The following MAP3K13 variants were observed in gnomAD, a reference collection of about 807,000 sequenced individuals.
The protein encoded by MAP3K13 is leucine zipper-bearing kinase.
Under a neutral mutation model 104.0 loss-of-function variants are expected in MAP3K13, and 52 were observed. That is an observed-to-expected ratio of 0.50 (90% CI 0.40 to 0.63). MAP3K13 has a LOEUF of 0.63. Ranked by LOEUF, MAP3K13 falls within the 20% of genes least tolerant of loss-of-function variation. The pLI is 0.00. For synonymous variants in MAP3K13, 394 were observed against 442.2 expected (o/e 0.89, Z 1.37); for missense variants, 914 against 1,218.5 (o/e 0.75, Z 3.72).
chr3:185,414,897 C>T (rs1224624650), intron 1 of MAP3K13, among the ~76,000 whole-genome samples: 1 of 151,980 alleles, frequency 6.6e-6, no homozygotes, highest in African/African-American at 2.4e-5. Flanking sequence ...TTTGGCCAGG[C>T]GTGGTGGCTC....
chr3:185,436,347 G>A (rs1715027844), intron 2 of MAP3K13, among the ~76,000 whole-genome samples: 1 of 152,102 alleles, frequency 6.6e-6, no homozygotes, highest in South Asian at 2.1e-4. Flanking sequence ...AAATACTACA[G>A]CTATATAAGT....
chr3:185,456,454 G>T (rs917388000), intron 7 of MAP3K13, among the ~76,000 whole-genome samples: 1 of 152,004 alleles, frequency 6.6e-6, no homozygotes, highest in Non-Finnish European at 1.5e-5. Context: ...TGTAGGTATC[G>T]GGGCACTGGA....
intron 2 of MAP3K13, 101 bp from the exon 3 acceptor site, chr3:185,437,346 G>A (rs868261317): frequency 4.1e-6 from 4 of 979,646 alleles, no homozygotes; most frequent in South Asian, 3.2e-5. Context: ...CAGAGGGTAA[G>A]GGTCATCCTG....
At chr3:185,372,763 G>A (rs1724220861) in intron 1 of MAP3K13, among the ~76,000 whole-genome samples, 1 of 152,118 alleles carries the variant, frequency 6.6e-6, no homozygotes, top group Non-Finnish European at 1.5e-5. Flanking sequence ...TAAAAACAAA[G>A]AAGAGCCAAC....
intron 2 of MAP3K13, among the ~76,000 whole-genome samples, chr3:185,346,097 A>G (rs1722912221): frequency 2.0e-5 from 3 of 152,248 alleles, no homozygotes; most frequent in Admixed American, 2.0e-4. Flanking sequence ...TCACTGTGTT[A>G]TACAAGAGAT....
intron 2 of MAP3K13, among the ~76,000 whole-genome samples, chr3:185,317,068 A>G (rs1721703407): frequency 6.6e-6 from 1 of 152,048 alleles, no homozygotes; most frequent in Non-Finnish European, 1.5e-5. Context: ...CTGATACTCC[A>G]CTCTTTCTCC....
At chr3:185,346,760 A>G (rs1302807914) in intron 2 of MAP3K13, among the ~76,000 whole-genome samples, 2 of 152,154 alleles carry the variant, frequency 1.3e-5, no homozygotes, top group Middle Eastern at 3.2e-3. Context: ...TGCAGCAATT[A>G]TTTAGCCATC....
intron 2 of MAP3K13, among the ~76,000 whole-genome samples, chr3:185,288,342 A>G (rs762695883): frequency 6.6e-6 from 1 of 151,924 alleles, no homozygotes; most frequent in Non-Finnish European, 1.5e-5. Context: ...ACATAGATAC[A>G]TAGTATATTA....
At chr3:185,454,967 A>C (rs1716333958) in intron 7 of MAP3K13, among the ~76,000 whole-genome samples, 1 of 71,846 alleles carries the variant, frequency 1.4e-5, no homozygotes, top group African/African-American at 5.0e-5. Flanking sequence ...TATATATGAG[A>C]TATATATATG....
intron 7 of MAP3K13, among the ~76,000 whole-genome samples, chr3:185,458,727 C>G (rs138091605): frequency 1.3e-5 from 2 of 152,338 alleles, no homozygotes; most frequent in African/African-American, 4.8e-5. Context: ...TTGTTAGCAC[C>G]TGGTCTCCAC....
intron 10 of MAP3K13, among the ~76,000 whole-genome samples, chr3:185,467,585 C>T (rs948238120): frequency 5.3e-5 from 8 of 151,912 alleles, no homozygotes; most frequent in African/African-American, 1.5e-4. Flanking sequence ...GAGATCAAGA[C>T]CATCCTGGCC....
intron 2 of MAP3K13, among the ~76,000 whole-genome samples, chr3:185,297,745 A>G (rs1237502728): frequency 6.0e-5 from 1 of 16,644 alleles, no homozygotes; most frequent in Non-Finnish European, 1.3e-4. Flanking sequence ...AAAAAAAAAA[A>G]AAAAGAAAAG....
rs996898973 is a variant in MAP3K13 at position 185,464,434 on chromosome 3, G to A, written c.1388+775G>A. ...GTGGAGGTAACTGGATCTTGGGGGC[G>A]GCTTCCCCCATGCTGTTTTTGTGAT... On this transcript the variant is annotated intron_variant, in intron 8 of 13. Coordinates refer to ENST00000265026, the MANE Select transcript of MAP3K13 (RefSeq NM_004721.5). Among the ~76,000 whole-genome samples the A allele has an allele frequency of 2.0e-5, 3 of 152,226 alleles. No homozygotes were observed. The South Asian group carries it at 6.2e-4, about 32-fold the overall frequency.
intron 1 of MAP3K13, among the ~76,000 whole-genome samples, chr3:185,375,344 A>AG (rs141049255): frequency 0.078 from 11,821 of 151,942 alleles, 596 homozygotes; most frequent in Admixed American, 0.14. Flanking sequence ...TAGGGAAGGG[A>AG]GGGGGCCTGA....
At chr3:185,383,145 GAA>G (rs1711503001) in intron 1 of MAP3K13, among the ~76,000 whole-genome samples, 2 of 150,032 alleles carry the variant, frequency 1.3e-5, no homozygotes, top group Admixed American at 6.7e-5. Flanking sequence ...AGTTTACTGA[GAA>G]TGATGATTTC....
At chr3:185,316,352 C>CT (rs1346064051) in intron 2 of MAP3K13, among the ~76,000 whole-genome samples, 1 of 152,048 alleles carries the variant, frequency 6.6e-6, no homozygotes, top group Non-Finnish European at 1.5e-5. Context: ...ATCAAAAGTT[C>CT]TTTTTTGGCT....
At chr3:185,352,439 T>C (rs1464768135) in intron 2 of MAP3K13, among the ~76,000 whole-genome samples, 4 of 151,242 alleles carry the variant, frequency 2.6e-5, no homozygotes, top group Admixed American at 6.6e-5. Context: ...AGCAAAACTC[T>C]GTCTAAAAAA....
intron 2 of MAP3K13, among the ~76,000 whole-genome samples, chr3:185,432,641 C>A (rs1446336460): frequency 6.6e-6 from 1 of 152,108 alleles, no homozygotes; most frequent in Non-Finnish European, 1.5e-5. Flanking sequence ...ATCTCAGGAT[C>A]CAAGTGCATC....
chr3:185,412,142 A>G (rs897587978), intron 1 of MAP3K13, among the ~76,000 whole-genome samples: 2 of 152,038 alleles, frequency 1.3e-5, no homozygotes, highest in Non-Finnish European at 2.9e-5. Context: ...GGGACTACAT[A>G]TTGTTTTCTG....
Sources: allele counts gnomAD v4.1 joint callset (sites outside exome capture counted in the v4.1 genomes callset), GRCh38; gene constraint gnomAD v4.1.1; transcripts MANE v1.5; gene names NCBI Gene and HGNC (gene_info 2026-07-23, HGNC 2026-07-21).